Variants in MTUS1 observed in about 807,000 individuals in gnomAD.
The protein encoded by MTUS1 is microtubule-associated tumor suppressor 1.
Under a neutral mutation model 120.8 loss-of-function variants are expected in MTUS1, and 109 were observed. That is an observed-to-expected ratio of 0.90 (90% CI 0.77 to 1.06). The LOEUF is 1.06. MTUS1 is among the 50% of genes least tolerant of loss of function. The pLI is 0.00. For synonymous variants in MTUS1, 737 were observed against 550.5 expected (o/e 1.34, Z -4.74); for missense variants, 2,210 against 1,486.3 (o/e 1.49, Z -8.01).
In MTUS1 at chr8:17,656,001, T is replaced by G. The variant is rs771510656; in HGVS notation, c.2970A>C (p.Glu990Asp). 2 of 1,614,134 alleles carry G rather than the reference T, an allele frequency of 1.2e-6. No homozygotes were observed. Among genetic ancestry groups the G allele is most frequent in the East Asian group, 2.2e-5 (1 of 44,894 alleles). The stretch of plus-strand genomic sequence containing the variant: ...CAGCCTGGTGCTGCTGGACGAATGC[T>G]TCATACACTGTTTGTAACTCATTCC... ...KARNELQTVY[E>D]AFVQQHQAEK... Residue 990 changes from glutamate to aspartate, a missense_variant, in exon 9 of 15, where the codon GAA (glutamate) becomes GAC (aspartate). By Grantham distance (45) the Glu-to-Asp change is conservative (BLOSUM62 2). Coordinates refer to ENST00000693296, the MANE Select transcript of MTUS1 (RefSeq NM_001363059.2).
chr8:17,673,456 A>C (rs1812434427), intron 8 of MTUS1, among the ~76,000 whole-genome samples: 1 of 152,114 alleles, frequency 6.6e-6, no homozygotes, highest in Non-Finnish European at 1.5e-5. Context: ...GGGAAGATGA[A>C]TGCAGAGAAG....
Position 17,686,275 on chromosome 8 carries a change from G to T in MTUS1, c.2624-1733C>A, listed in dbSNP as rs149938993. On this transcript the variant is annotated intron_variant, in intron 6 of 14. Transcript: ENST00000693296. Reference sequence around the variant, plus strand: ...TCTGTTCCCACACATTTTGGAAAGCGGATTAGGTGGTGATGTAATATATGA... The same window carrying T: ...TCTGTTCCCACACATTTTGGAAAGCTGATTAGGTGGTGATGTAATATATGA... 2.9e-3 allele frequency among the ~76,000 whole-genome samples: 447 copies of T among 152,256 alleles called. 1 individual carries two copies. Among genetic ancestry groups the T allele is most frequent in the Middle Eastern group, 0.01 (3 of 294 alleles).
chr8:17,646,243 G>A, intron 14 of MTUS1, 104 bp from the exon 15 acceptor site: 5 of 1,239,370 alleles, frequency 4.0e-6, no homozygotes, highest in Non-Finnish European at 4.3e-6. Flanking sequence ...TTATTCCTTT[G>A]GGATAAAACA....
At position 17,656,006 on chromosome 8, in the gene MTUS1, A is replaced by T. The variant is rs1208199286; in HGVS notation, c.2965T>A (p.Tyr989Asn). ...TGGTGCTGCTGGACGAATGCTTCAT[A>T]CACTGTTTGTAACTCATTCCTGGCT... ...EKARNELQTV[Y>N]EAFVQQHQAE... is the part of the protein sequence containing the mutation. Residue 989 changes from tyrosine (Y) to asparagine (N), a missense_variant, in exon 9 of 15, where the codon TAT (tyrosine) becomes AAT (asparagine). By Grantham distance (143) the Tyr-to-Asn change is moderately radical. Transcript: ENST00000693296. The T allele has an allele frequency of 2.5e-6, 4 of 1,614,130 alleles. No individual in the cohort carries two copies. The highest frequency in any genetic ancestry group is 1.7e-5 in the Admixed American group (1 of 60,012).
intron 6 of MTUS1, chr8:17,697,523 A>C (rs1818226638): frequency 7.2e-7 from 1 of 1,387,698 alleles, no homozygotes; most frequent in East Asian, 2.6e-5. Flanking sequence ...TCCACCAGAG[A>C]GGCATAGAAG....
At chr8:17,652,024 T>C (rs1807109079) in intron 12 of MTUS1, among the ~76,000 whole-genome samples, 1 of 151,866 alleles carries the variant, frequency 6.6e-6, no homozygotes, top group Non-Finnish European at 1.5e-5. Flanking sequence ...ATGACATTAT[T>C]TGCAGAAGGT....
intron 7 of MTUS1, among the ~76,000 whole-genome samples, chr8:17,683,749 T>A (rs1366972331): frequency 1.3e-5 from 2 of 152,186 alleles, no homozygotes; most frequent in African/African-American, 4.8e-5. Context: ...ATAAACTTGG[T>A]TTTCTCAATG....
chr8:17,708,666 A>C (rs575916013), intron 6 of MTUS1: 31 of 152,374 alleles, frequency 2.0e-4, no homozygotes, highest in African/African-American at 7.5e-4. Flanking sequence ...ATTAGGATGT[A>C]CCAGAAACTT....
chr8:17,655,915 C>A lies in MTUS1; in HGVS notation c.3056G>T (p.Arg1019Leu), dbSNP rs370758570. ...CTCTGCTTCTTCAATGTAAGTGTCCCGAAGCTTTTCATACTCCCTGGTGTA... is the reference window on the plus strand; with the variant it reads ...CTCTGCTTCTTCAATGTAAGTGTCCAGAAGCTTTTCATACTCCCTGGTGTA... ...EFYTREYEKL[R>L]DTYIEEAEKY... is the part of the protein sequence containing the mutation. Residue 1019 changes from arginine (R) to leucine (L), a missense_variant, in exon 9 of 15, where the codon CGG becomes CTG. By Grantham distance (102) the Arg-to-Leu change is moderately radical. Coordinates refer to ENST00000693296, the MANE Select transcript of MTUS1 (RefSeq NM_001363059.2). The A allele has an allele frequency of 6.2e-7, 1 of 1,614,176 alleles. No homozygotes were observed. Among genetic ancestry groups the A allele is most frequent in the Admixed American group, 1.7e-5 (1 of 60,000 alleles).
chr8:17,691,723 T>C (rs1816977789), intron 6 of MTUS1, among the ~76,000 whole-genome samples: 1 of 152,204 alleles, frequency 6.6e-6, no homozygotes, highest in Non-Finnish European at 1.5e-5. Context: ...TAATGGAAGC[T>C]TTCTAATATG....
intron 6 of MTUS1, 115 bp downstream of exon 6, chr8:17,713,099 T>G: frequency 3.5e-6 from 3 of 868,340 alleles, no homozygotes; most frequent in Non-Finnish European, 5.6e-6. Context: ...GGTTTACACC[T>G]CAAATTGGAA....
At chr8:17,731,034 T>G (rs889873798) in intron 3 of MTUS1, among the ~76,000 whole-genome samples, 2 of 152,070 alleles carry the variant, frequency 1.3e-5, no homozygotes, top group Non-Finnish European at 1.5e-5. Flanking sequence ...CTAGTTGGAG[T>G]AAGATATTAT....
intron 9 of MTUS1, among the ~76,000 whole-genome samples, chr8:17,655,558 T>C (rs999902411): frequency 6.6e-6 from 1 of 152,134 alleles, no homozygotes; most frequent in South Asian, 2.1e-4. Flanking sequence ...ACCCCGTCTC[T>C]ACTAAAAATA....
intron 1 of MTUS1, among the ~76,000 whole-genome samples, chr8:17,786,826 G>T (rs891119637): frequency 6.6e-6 from 1 of 152,168 alleles, no homozygotes. Flanking sequence ...AACACTGCAG[G>T]GGTAGCGCTT....
At chr8:17,723,893 T>C in intron 3 of MTUS1, 60 bp from the exon 4 acceptor site, 1 of 1,420,076 alleles carries the variant, frequency 7.0e-7, no homozygotes, top group Non-Finnish European at 9.5e-7. Flanking sequence ...GCTGGCACTT[T>C]TTAAGCCTGT....
chr8:17,786,348 A>G (rs1354397593), intron 1 of MTUS1, among the ~76,000 whole-genome samples: 2 of 152,124 alleles, frequency 1.3e-5, no homozygotes, highest in South Asian at 4.1e-4. Context: ...ACCCGCTGCC[A>G]TGATGCTAAA....
Position 17,646,981 on chromosome 8 carries a change from C to G in MTUS1, c.3599+1G>C. 1 of 1,612,236 alleles carries G rather than the reference C, an allele frequency of 6.2e-7. No homozygotes were observed. ...GAGAAACAGCACTGTTTTATTTTTA[C>G]CTTGAGATTGCCATGTGCTTGTCCA... On this transcript the variant is annotated splice_donor_variant, in intron 14 of 14. Coordinates refer to ENST00000693296, the MANE Select transcript of MTUS1 (RefSeq NM_001363059.2). LOFTEE classifies it high-confidence loss of function.
chr8:17,685,072 C>A (rs985959786), intron 6 of MTUS1, among the ~76,000 whole-genome samples: 1 of 152,174 alleles, frequency 6.6e-6, no homozygotes, highest in African/African-American at 2.4e-5. Context: ...TCTAATAAAT[C>A]ATAACATACA....
intron 8 of MTUS1, among the ~76,000 whole-genome samples, chr8:17,671,031 T>C (rs549343200): frequency 6.6e-6 from 1 of 152,284 alleles, no homozygotes; most frequent in Admixed American, 6.5e-5. Context: ...ATTTACTGGA[T>C]TGACAGAAAT....
Sources: allele counts gnomAD v4.1 joint callset (sites outside exome capture counted in the v4.1 genomes callset), GRCh38; gene constraint gnomAD v4.1.1; transcripts MANE v1.5; gene names NCBI Gene and HGNC (gene_info 2026-07-23, HGNC 2026-07-21).